SIPA1L3: variants seen among roughly 807,000 people sequenced by gnomAD.
SIPA1L3 encodes the protein signal induced proliferation associated 1 like 3, also known as signal-induced proliferation-associated 1-like protein 3.
Under a neutral mutation model 150.1 loss-of-function variants are expected in SIPA1L3, and 59 were observed. The ratio of observed to expected loss-of-function variants is 0.39; its 90% CI spans 0.32 to 0.49. The LOEUF is 0.49. Among genes scored for constraint, SIPA1L3 ranks in the 20% least tolerant of loss-of-function variants. The pLI, the probability that SIPA1L3 is intolerant of heterozygous loss-of-function variation, is 0.86. For missense variants in SIPA1L3, 2,211 were observed against 2,489.5 expected, an observed-to-expected ratio of 0.89 and a Z score of 2.38; for synonymous variants, 1,070 against 1,077.6, an observed-to-expected ratio of 0.99 and a Z score of 0.14.
intron 8 of SIPA1L3, among the ~76,000 whole-genome samples, chr19:38,113,008 G>T (rs966034298): frequency 6.6e-5 from 10 of 152,106 alleles, no homozygotes; most frequent in Admixed American, 6.6e-4. Context: ...AGGAGTTGGA[G>T]ACCAGCCTGG....
chr19:37,935,307 T>C (rs2145508927), intron 1 of SIPA1L3, among the ~76,000 whole-genome samples: 1 of 152,322 alleles, frequency 6.6e-6, no homozygotes, highest in South Asian at 2.1e-4. Context: ...ATATTAACAA[T>C]CTTGGTTGGA....
At chr19:37,915,125 G>C (rs2046405219) in intron 1 of SIPA1L3, among the ~76,000 whole-genome samples, 1 of 152,096 alleles carries the variant, frequency 6.6e-6, no homozygotes, top group Admixed American at 6.6e-5. Flanking sequence ...TGGCAGCAGG[G>C]GCCGCCTGGG....
intron 1 of SIPA1L3, among the ~76,000 whole-genome samples, chr19:38,000,786 A>G (rs1212027090): frequency 6.7e-6 from 1 of 149,012 alleles, no homozygotes; most frequent in Non-Finnish European, 1.5e-5. Context: ...ACTGGAAGGA[A>G]ATGAACCAAT....
intron 5 of SIPA1L3, 83 bp downstream of exon 5, chr19:38,100,233 CTTTCT>C (rs1568549707): frequency 4.2e-5 from 47 of 1,129,362 alleles, no homozygotes; most frequent in Non-Finnish European, 5.5e-5. Context: ...ATCTTGGTCA[CTTTCT>C]TTTTTCTTTG....
Position 37,982,632 on chromosome 19 carries a change from G to A in SIPA1L3, c.-378-46457G>A, listed in dbSNP as rs550500847. ...GCCTCTACCGTCTGGATCAAAGCCC[G>A]CCATGTAAATGGCTCCAGCTTTTGC... is the stretch of plus-strand genomic sequence containing the variant. On this transcript the variant is annotated intron_variant, in intron 1 of 21. Coordinates refer to ENST00000222345, the MANE Select transcript of SIPA1L3 (RefSeq NM_015073.3). 1.4e-4 allele frequency among the ~76,000 whole-genome samples: 21 copies of A among 152,284 alleles called. No individual in the cohort carries two copies. The South Asian group carries it at 2.9e-3, about 21-fold the overall frequency.
chr19:38,060,808 C>T (rs979907135), intron 2 of SIPA1L3, among the ~76,000 whole-genome samples: 1 of 152,216 alleles, frequency 6.6e-6, no homozygotes, highest in Non-Finnish European at 1.5e-5. Flanking sequence ...TCTCCTGCCT[C>T]AGCCTCCCGA....
rs778530705 is a variant in SIPA1L3 at position 38,193,565 on chromosome 19, C to T, written c.4625C>T (p.Thr1542Met). 9.9e-6 allele frequency: 15 copies of T among 1,522,514 alleles called. No individual in the cohort carries two copies. The highest frequency in any genetic ancestry group is 2.6e-5 in the South Asian group (2 of 78,428). The allele number at this position is 1,522,514 out of a possible 1,614,324, so 94.3% of individuals were successfully genotyped here. Residue 1542 changes from threonine (T) to methionine (M), a missense_variant, in exon 18 of 22, where the codon ACG (threonine) becomes ATG (methionine). Coordinates refer to ENST00000222345, the MANE Select transcript of SIPA1L3 (RefSeq NM_015073.3). ...GQSPQKGLQR[T>M]LSDESLCSGR... ...TCACCGCAGAAGGGCCTGCAGCGGA[C>T]GCTGTCGGACGAGAGCCTGTGCAGC...
chr19:38,070,965 C>A (rs1169849280), intron 2 of SIPA1L3, among the ~76,000 whole-genome samples: 1 of 152,198 alleles, frequency 6.6e-6, no homozygotes, highest in Non-Finnish European at 1.5e-5. Flanking sequence ...GCCCTGAACA[C>A]CCAGGGGGTC....
intron 3 of SIPA1L3, among the ~76,000 whole-genome samples, chr19:38,083,715 G>C (rs1329095442): frequency 6.6e-6 from 1 of 152,186 alleles, no homozygotes. Context: ...GAACTGCCCG[G>C]CGCAGTGGCT....
At chr19:38,018,255 C>CCAGGTTCAAGTGATTCTCATGCTG (rs1416623280) in intron 1 of SIPA1L3, among the ~76,000 whole-genome samples, 16 of 149,232 alleles carry the variant, frequency 1.1e-4, no homozygotes, top group South Asian at 2.1e-4. Flanking sequence ...CCTCCGACTC[C>CCAGGTTCAAGTGATTCTCATGCTG]CAGGTTCAAG....
chr19:38,178,106 T>G (rs920544645), intron 15 of SIPA1L3, among the ~76,000 whole-genome samples: 12 of 129,750 alleles, frequency 9.2e-5, no homozygotes, highest in African/African-American at 3.8e-4. Flanking sequence ...TGTGTGTGTG[T>G]GTGTGTGTGT....
At chr19:37,941,995 T>G (rs1437094047) in intron 1 of SIPA1L3, among the ~76,000 whole-genome samples, 1 of 152,214 alleles carries the variant, frequency 6.6e-6, no homozygotes, top group Non-Finnish European at 1.5e-5. Context: ...ATTCATTATA[T>G]TGCACGATAT....
rs1972578732 is a variant in SIPA1L3 at position 38,182,575 on chromosome 19, A to G, written c.4265A>G (p.Glu1422Gly). Reference protein sequence around the residue: ...PAQVYKTASAETPRPSQLAQP... With the variant: ...PAQVYKTASAGTPRPSQLAQP... ...CAGGTTTACAAAACTGCCAGTGCAG[A>G]GACTCCTCGGCCCTCCCAGCTGGCC... The change falls in exon 16 of 22, where the codon GAG becomes GGG. Residue 1422 changes from glutamate to glycine, a missense_variant. Glu to Gly is a moderately conservative substitution (Grantham distance 98, BLOSUM62 -2). Around this residue, in one of 5 missense-constraint regions of SIPA1L3, gnomAD observed 806 missense variants for 870.1 expected, o/e 0.93. Coordinates refer to ENST00000222345, the MANE Select transcript of SIPA1L3 (RefSeq NM_015073.3). The G allele has an allele frequency of 6.2e-7, 1 of 1,614,042 alleles. No individual in the cohort carries two copies. The highest frequency in any genetic ancestry group is 1.3e-5 in the African/African-American group (1 of 74,910).
rs567188016 is a variant in SIPA1L3 at position 38,120,846 on chromosome 19, G to A, written c.2868+964G>A. ...AGAAAGAACACTGTGGTCAGTGATT[G>A]CCTCTGCAGTGGGTTTGGCAGAACG... On this transcript the variant is annotated intron_variant, in intron 9 of 21. Transcript: ENST00000222345. 5.3e-5 allele frequency among the ~76,000 whole-genome samples: 8 copies of A among 152,354 alleles called. No homozygotes were observed. The South Asian group carries it at 1.4e-3, about 28-fold the overall frequency.
intron 8 of SIPA1L3, among the ~76,000 whole-genome samples, chr19:38,115,139 T>C (rs1241752272): frequency 6.6e-6 from 1 of 152,168 alleles, no homozygotes; most frequent in African/African-American, 2.4e-5. Context: ...CAAGCCTTGA[T>C]GGGCTCAGAG....
chr19:37,968,478 C>A (rs2046925482), intron 1 of SIPA1L3, among the ~76,000 whole-genome samples: 1 of 152,184 alleles, frequency 6.6e-6, no homozygotes, highest in African/African-American at 2.4e-5. Flanking sequence ...GAAATGAAAT[C>A]ATGTGATATA....
At chr19:38,114,594 G>C (rs895722230) in intron 8 of SIPA1L3, among the ~76,000 whole-genome samples, 1 of 152,154 alleles carries the variant, frequency 6.6e-6, no homozygotes, top group Non-Finnish European at 1.5e-5. Flanking sequence ...AAATTTACCT[G>C]GTGTGTGTGG....
rs774544542 is a variant in SIPA1L3 at position 38,206,369 on chromosome 19, G to A, written c.*129G>A. The A allele has an allele frequency of 2.6e-5, 30 of 1,138,488 alleles. No individual in the cohort carries two copies. The highest frequency in any genetic ancestry group is 1.6e-4 in the East Asian group (6 of 37,274). The allele number at this position is 1,138,488 out of a possible 1,614,324, so 70.5% of individuals were successfully genotyped here. A position where few individuals can be genotyped will look rare whatever the true frequency, so the allele number is the denominator to read the frequency against. On this transcript the variant is annotated 3_prime_UTR_variant, in exon 22 of 22. Coordinates refer to ENST00000222345, the MANE Select transcript of SIPA1L3 (RefSeq NM_015073.3). ...CATCCAGGGCCCTCCCCATGGACAC[G>A]GAAACTCCGATGGCCTCACTAGGGC...
chr19:38,049,379 C>G (rs1317256251), intron 2 of SIPA1L3, among the ~76,000 whole-genome samples: 1 of 152,162 alleles, frequency 6.6e-6, no homozygotes. Flanking sequence ...CTGGTTTTCA[C>G]CAAATAGCAT....
Sources: gnomAD v4.1 joint callset for allele counts (sites outside exome capture counted in the v4.1 genomes callset) on GRCh38, gnomAD v4.1.1 for gene constraint, gnomAD v4.1.1 regional missense constraint, MANE v1.5 for transcripts, NCBI Gene and HGNC (gene_info 2026-07-23, HGNC 2026-07-21) for gene names.